Variants in MPP4 observed in about 807,000 individuals in gnomAD.
The protein encoded by MPP4 is MAGUK p55 subfamily member 4.
A neutral mutation model predicts 98.3 loss-of-function variants in MPP4; 91 were observed. The ratio of observed to expected loss-of-function variants is 0.93; its 90% confidence interval spans 0.78 to 1.10. MPP4 has a LOEUF of 1.10. Ranked by LOEUF, MPP4 falls within the 50% of genes least tolerant of loss-of-function variation. MPP4 has a pLI of 0.00. For missense variants in MPP4, 744 were observed against 792.9 expected, an observed-to-expected ratio of 0.94 and a Z score of 0.74; for synonymous variants, 261 against 271.8, an observed-to-expected ratio of 0.96 and a Z score of 0.39.
At chr2:201,661,692 T>C in intron 14 of MPP4, 1 of 445,868 alleles carries the variant, frequency 2.2e-6, no homozygotes, top group Non-Finnish European at 4.5e-6. Context: ...TCATATAAAT[T>C]ATTGTTGCCA....
intron 6 of MPP4, 40 bp downstream of exon 6, chr2:201,685,879 A>C (rs773293163): frequency 6.2e-7 from 1 of 1,600,290 alleles, no homozygotes; most frequent in Non-Finnish European, 8.5e-7. Flanking sequence ...AATTAACCTA[A>C]GCTTACCCTA....
intron 13 of MPP4, chr2:201,665,507 T>C (rs2105924502): frequency 6.6e-6 from 1 of 152,332 alleles, no homozygotes; most frequent in Middle Eastern, 3.4e-3. Context: ...CCTTTGTAGT[T>C]ATTAAATTTT....
At chr2:201,668,393 A>G (rs528868707) in intron 12 of MPP4, among the ~76,000 whole-genome samples, 2 of 152,160 alleles carry the variant, frequency 1.3e-5, no homozygotes, top group South Asian at 4.1e-4. Context: ...TTAATTTGAT[A>G]GAACTGGTGG....
rs374067574 is a variant in MPP4 at position 201,681,563 on chromosome 2, A to G, written c.665T>C (p.Met222Thr). The G allele has an allele frequency of 1.2e-5, 20 of 1,612,846 alleles. No individual in the cohort carries two copies. The highest frequency in any genetic ancestry group is 1.7e-5 in the Non-Finnish European group (20 of 1,179,214). The change falls in exon 9 of 22, where the codon ATG becomes ACG. Residue 222 changes from methionine (M) to threonine (T), a missense_variant. Transcript: ENST00000409474. ...DPEQVIHILA[M>T]SRGTIMFKVV... ...CTTGAACATGATTGTGCCTCGAGAC[A>G]TGGCCTGGAAAATAAGAGAGGAGAA...
intron 10 of MPP4, among the ~76,000 whole-genome samples, chr2:201,678,299 GC>G (rs1421056944): frequency 6.6e-6 from 1 of 151,962 alleles, no homozygotes; most frequent in Admixed American, 6.6e-5. Context: ...ATGTCCTTCA[GC>G]CCCCAAGCTC....
chr2:201,685,075 G>A lies in MPP4; in HGVS notation c.563C>T (p.Ala188Val), dbSNP rs369776519. The A allele has an allele frequency of 7.7e-5, 124 of 1,610,016 alleles. No homozygotes were observed. Among genetic ancestry groups the A allele is most frequent in the Non-Finnish European group, 1.0e-4 (118 of 1,178,480 alleles). ...LVARIIHGGL[A>V]ERSGLLYAGD... Reference sequence around the variant, plus strand: ...CTGCTCCAGCTTACCACTTCTCTCCGCCAGCCCACCGTGGATGATCCTGGC... The same window carrying A: ...CTGCTCCAGCTTACCACTTCTCTCCACCAGCCCACCGTGGATGATCCTGGC... The change falls in exon 7 of 22, where the codon GCG becomes GTG. Residue 188 changes from alanine (A) to valine (V), a missense_variant. By Grantham distance (64) the Ala-to-Val change is moderately conservative. Coordinates refer to ENST00000409474, the MANE Select transcript of MPP4 (RefSeq NM_033066.3).
At chr2:201,678,981 CA>C (rs1688595684) in intron 10 of MPP4, among the ~76,000 whole-genome samples, 1 of 152,146 alleles carries the variant, frequency 6.6e-6, no homozygotes, top group African/African-American at 2.4e-5. Flanking sequence ...CATTCAACCT[CA>C]GCCACTGCCT....
In MPP4 at chr2:201,692,989, ACT is replaced by A; in HGVS notation, c.118_119del (p.Leu41ValfsTer29). The A allele has an allele frequency of 6.2e-7, 1 of 1,613,086 alleles. No homozygotes were observed. The highest frequency in any genetic ancestry group is 8.5e-7 in the Non-Finnish European group (1 of 1,179,566). On this transcript the variant is annotated frameshift_variant, in exon 3 of 22. Transcript: ENST00000409474. LOFTEE classifies it high-confidence loss of function. ...CATTCACATCTCTGCCGTAGAACAGACTCAGCTCTTGCAGCACAAGCCTCAGG... is the reference window on the plus strand; with the variant it reads ...CATTCACATCTCTGCCGTAGAACAGACAGCTCTTGCAGCACAAGCCTCAGG... Reference protein sequence around the residue: ...QILRLVLQELSLFYGRDVNGV... With the variant: ...QILRLVLQELXLFYGRDVNGV...
At chr2:201,676,345 T>C (rs796173964) in intron 10 of MPP4, among the ~76,000 whole-genome samples, 5 of 152,314 alleles carry the variant, frequency 3.3e-5, no homozygotes, top group African/African-American at 1.2e-4. Flanking sequence ...GCATCTATGC[T>C]ATAATCTACA....
chr2:201,668,040 A>T (rs1484287800), intron 12 of MPP4, among the ~76,000 whole-genome samples: 1 of 152,198 alleles, frequency 6.6e-6, no homozygotes, highest in Non-Finnish European at 1.5e-5. Flanking sequence ...CAGTGAGTTC[A>T]TTAGTTCCCA....
At chr2:201,654,941 GA>G in intron 17 of MPP4, 24 bp from the exon 18 acceptor site, 3 of 1,451,498 alleles carry the variant, frequency 2.1e-6, no homozygotes, top group South Asian at 2.5e-5. Flanking sequence ...GTCACACACA[GA>G]AATCATCAGA....
chr2:201,658,332 A>G lies in MPP4; in HGVS notation c.1129+145T>C. On this transcript the variant is annotated intron_variant, in intron 16 of 21. Transcript: ENST00000409474. The stretch of plus-strand genomic sequence containing the variant: ...TTAATGGATCAGAATATTGACAAGA[A>G]AAAAGGACAGAAAGAAAAGGAAACT... 1.3e-5 allele frequency: 9 copies of G among 681,208 alleles called. No individual in the cohort carries two copies. The South Asian group carries it at 1.7e-4, about 13-fold the overall frequency. 42.2% of individuals were successfully genotyped at this position (681,208 alleles called of 1,614,324 possible). A position where few individuals can be genotyped will look rare whatever the true frequency, so the allele number is the denominator to read the frequency against.
intron 10 of MPP4, chr2:201,680,601 T>C (rs1318062276): frequency 4.3e-6 from 2 of 467,104 alleles, no homozygotes; most frequent in East Asian, 3.4e-5. Context: ...TTAAGTTTAA[T>C]TTAGTTTCCC....
intron 18 of MPP4, chr2:201,651,222 G>C: frequency 1.0e-6 from 1 of 985,382 alleles, no homozygotes; most frequent in Non-Finnish European, 1.2e-6. Flanking sequence ...CTAGAAACCG[G>C]CCTTAAATTA....
intron 7 of MPP4, 141 bp from the exon 8 acceptor site, chr2:201,683,057 G>A: frequency 1.0e-5 from 4 of 395,364 alleles, no homozygotes; most frequent in Non-Finnish European, 1.8e-5. Context: ...AGAAAAGAAA[G>A]CTGGTTATTC....
At chr2:201,675,339 C>G in intron 10 of MPP4, 68 bp from the exon 11 acceptor site, 1 of 1,462,874 alleles carries the variant, frequency 6.8e-7, no homozygotes, top group South Asian at 1.2e-5. Context: ...CTAGATGAAA[C>G]AGACCCAGAG....
chr2:201,678,081 G>A (rs563299573), intron 10 of MPP4, among the ~76,000 whole-genome samples: 29 of 152,250 alleles, frequency 1.9e-4, no homozygotes, highest in African/African-American at 7.0e-4. Context: ...AAATGAAATT[G>A]CTTAATTTCT....
chr2:201,689,143 A>G (rs1688926182), intron 4 of MPP4, among the ~76,000 whole-genome samples: 1 of 151,962 alleles, frequency 6.6e-6, no homozygotes. Flanking sequence ...GCCTGGCCAA[A>G]ATGGTGAAAC....
intron 12 of MPP4, 24 bp from the exon 13 acceptor site, chr2:201,666,396 GA>G: frequency 6.6e-7 from 1 of 1,516,832 alleles, no homozygotes; most frequent in Admixed American, 2.2e-5. Flanking sequence ...TAGAAAGGGA[GA>G]AACAGAATTT....
Sources: gnomAD v4.1 joint callset for allele counts (sites outside exome capture counted in the v4.1 genomes callset) on GRCh38, gnomAD v4.1.1 for gene constraint, MANE v1.5 for transcripts, NCBI Gene and HGNC (gene_info 2026-07-23, HGNC 2026-07-21) for gene names.